Variants in HCN1 observed in about 807,000 individuals in gnomAD.
HCN1 encodes the protein hyperpolarization activated cyclic nucleotide gated potassium channel 1, also known as potassium/sodium hyperpolarization-activated cyclic nucleotide-gated channel 1.
A neutral mutation model predicts 78.9 loss-of-function variants in HCN1; 13 were observed. That is an observed-to-expected ratio of 0.16 (90% CI 0.11 to 0.26). The LOEUF (loss-of-function observed/expected upper bound fraction) is 0.26. HCN1 is among the 10% of genes least tolerant of loss of function. The probability of loss-of-function intolerance (pLI) is 1.00; values close to 1 mark genes in which losing one functional copy is unlikely to be tolerated. For missense variants in HCN1, 810 were observed against 1,154.3 expected, an observed-to-expected ratio of 0.70 and a Z score of 4.32; for synonymous variants, 552 against 455.5, an observed-to-expected ratio of 1.21 and a Z score of -2.70.
chr5:45,648,957 T>TA (rs992423505), intron 1 of HCN1, among the ~76,000 whole-genome samples: 12 of 151,866 alleles, frequency 7.9e-5, no homozygotes, highest in African/African-American at 2.7e-4. Flanking sequence ...GAAAACAACT[T>TA]AGTCTGTTTG....
chr5:45,604,789 C>T (rs1744694369), intron 2 of HCN1, among the ~76,000 whole-genome samples: 1 of 151,860 alleles, frequency 6.6e-6, no homozygotes, highest in Non-Finnish European at 1.5e-5. Context: ...AAAATAGGTA[C>T]AAAATGACTT....
intron 2 of HCN1, among the ~76,000 whole-genome samples, chr5:45,601,783 G>A (rs996716043): frequency 6.6e-6 from 1 of 152,132 alleles, no homozygotes. Context: ...AATATTAAGT[G>A]AGAAAGAATG....
At chr5:45,610,466 T>C (rs1561219164) in intron 2 of HCN1, among the ~76,000 whole-genome samples, 1 of 151,104 alleles carries the variant, frequency 6.6e-6, no homozygotes, top group Non-Finnish European at 1.5e-5. Flanking sequence ...AATATACATT[T>C]ATATATTGCG....
chr5:45,695,496 T>C (rs1011305565), intron 1 of HCN1, among the ~76,000 whole-genome samples, 173 bp downstream of exon 1: 6 of 152,020 alleles, frequency 3.9e-5, no homozygotes, highest in Non-Finnish European at 5.9e-5. Context: ...CCCTCCTGGG[T>C]GGAAACTACC....
chr5:45,534,502 G>C (rs2111810968), intron 2 of HCN1, among the ~76,000 whole-genome samples: 1 of 136,294 alleles, frequency 7.3e-6, no homozygotes, highest in Middle Eastern at 4.7e-3. Flanking sequence ...TGAAAATTTA[G>C]AGCAATCCTA....
At chr5:45,491,962 T>A (rs1741894074) in intron 2 of HCN1, among the ~76,000 whole-genome samples, 1 of 152,118 alleles carries the variant, frequency 6.6e-6, no homozygotes, top group Non-Finnish European at 1.5e-5. Context: ...TGAAATTTTA[T>A]CAGAACATGG....
intron 1 of HCN1, among the ~76,000 whole-genome samples, chr5:45,685,530 A>T (rs981154880): frequency 6.6e-6 from 1 of 152,162 alleles, no homozygotes; most frequent in Non-Finnish European, 1.5e-5. Flanking sequence ...CCTGACCAAC[A>T]TGGAGAAACC....
chr5:45,684,892 T>A (rs962145457), intron 1 of HCN1, among the ~76,000 whole-genome samples: 1 of 152,060 alleles, frequency 6.6e-6, no homozygotes, highest in South Asian at 2.1e-4. Flanking sequence ...ACTAATCAAG[T>A]AACTTTCTAT....
At chr5:45,291,094 C>T (rs997026448) in intron 6 of HCN1, among the ~76,000 whole-genome samples, 3 of 151,886 alleles carry the variant, frequency 2.0e-5, no homozygotes, top group Non-Finnish European at 4.4e-5. Flanking sequence ...ATTCAGCCAC[C>T]GAGGTCATAT....
chr5:45,353,858 T>A (rs1388805166), intron 4 of HCN1, among the ~76,000 whole-genome samples: 1 of 151,960 alleles, frequency 6.6e-6, no homozygotes. Flanking sequence ...CACATTACTG[T>A]ATAGCTGAAA....
At chr5:45,448,851 C>T (rs530293881) in intron 3 of HCN1, among the ~76,000 whole-genome samples, 13 of 152,278 alleles carry the variant, frequency 8.5e-5, no homozygotes, top group Middle Eastern at 3.4e-3. Flanking sequence ...TGGTGGCTCA[C>T]GCCTGTAATC....
intron 5 of HCN1, among the ~76,000 whole-genome samples, chr5:45,348,727 T>G (rs1016008596): frequency 2.0e-5 from 3 of 152,082 alleles, no homozygotes; most frequent in African/African-American, 7.2e-5. Flanking sequence ...GCAATCCTAG[T>G]CTCTGATAAA....
At position 45,544,078 on chromosome 5, in the gene HCN1, G is replaced by A. The variant is rs1056705205; in HGVS notation, c.850-82071C>T. Among the ~76,000 whole-genome samples, 4 of 151,740 alleles carry A rather than the reference G, an allele frequency of 2.6e-5. No individual in the cohort carries two copies. In the East Asian group the frequency reaches 7.8e-4, roughly 29 times the overall value. On this transcript the variant is annotated intron_variant, in intron 2 of 7. Transcript: ENST00000303230. ...GATTTTGAAATTGTTTAAAACAAAG[G>A]GCATCAAATACTTATCTGCTTCCAA...
At chr5:45,327,302 G>A (rs1746255104) in intron 5 of HCN1, among the ~76,000 whole-genome samples, 1 of 151,712 alleles carries the variant, frequency 6.6e-6, no homozygotes, top group South Asian at 2.1e-4. Context: ...ATATTATTAA[G>A]AGAATATCAC....
intron 6 of HCN1, among the ~76,000 whole-genome samples, chr5:45,267,463 T>TAAAA (rs375114789): frequency 7.1e-6 from 1 of 141,522 alleles, no homozygotes; most frequent in Admixed American, 7.1e-5. Context: ...TGTTTTGTTT[T>TAAAA]AAAAAAAAAA....
At chr5:45,318,308 G>T (rs896085777) in intron 5 of HCN1, among the ~76,000 whole-genome samples, 1 of 151,876 alleles carries the variant, frequency 6.6e-6, no homozygotes, top group Non-Finnish European at 1.5e-5. Context: ...GAAAACTATC[G>T]CAAGGACAAA....
At chr5:45,347,589 C>A (rs1347917096) in intron 5 of HCN1, among the ~76,000 whole-genome samples, 1 of 152,058 alleles carries the variant, frequency 6.6e-6, no homozygotes, top group East Asian at 1.9e-4. Flanking sequence ...GAAATTCAAA[C>A]CAAAGGCAAA....
intron 2 of HCN1, among the ~76,000 whole-genome samples, chr5:45,572,970 A>C (rs116275056): frequency 6.6e-6 from 1 of 152,278 alleles, no homozygotes; most frequent in Non-Finnish European, 1.5e-5. Context: ...GTCGTCAGGA[A>C]AGGATCTATT....
intron 2 of HCN1, among the ~76,000 whole-genome samples, chr5:45,599,190 A>T (rs1266610626): frequency 6.6e-6 from 1 of 152,218 alleles, no homozygotes; most frequent in Non-Finnish European, 1.5e-5. Flanking sequence ...CTGGAGTAAG[A>T]AAATGTGGCA....
Sources: allele counts gnomAD v4.1 joint callset (sites outside exome capture counted in the v4.1 genomes callset), GRCh38; gene constraint gnomAD v4.1.1; transcripts MANE v1.5; gene names NCBI Gene and HGNC (gene_info 2026-07-23, HGNC 2026-07-21).